Variants in MALT1 observed in about 807,000 individuals in gnomAD.
MALT1 encodes mucosa-associated lymphoid tissue lymphoma translocation protein 1.
In MALT1, 36 loss-of-function variants were observed where a neutral mutation model predicts 85.5. The observed-to-expected ratio is 0.42, with a 90% CI of 0.32 to 0.56. The LOEUF is 0.56. MALT1 is among the 20% of genes least tolerant of loss of function. The pLI, the probability that MALT1 is intolerant of heterozygous loss-of-function variation, is 0.10. For synonymous variants in MALT1, 359 were observed against 361.3 expected, an observed-to-expected ratio of 0.99 and a Z score of 0.07; for missense variants, 716 against 981.6, an observed-to-expected ratio of 0.73 and a Z score of 3.62.
intron 7 of MALT1, among the ~76,000 whole-genome samples, chr18:58,711,812 A>G (rs948174696): frequency 3.3e-5 from 5 of 152,212 alleles, no homozygotes; most frequent in Non-Finnish European, 7.3e-5. Context: ...CTGAAATACT[A>G]TAATTACTGT....
At position 58,710,023 on chromosome 18, in the gene MALT1, A is replaced by G; in HGVS notation, c.876A>G (p.Val292=). ...LEHQGTYWCH[V]YNDRDSQDSK... ...ACCAAGGAACCTACTGGTGTCATGT[A>G]TATAATGATCGAGACAGTCAAGATA... Residue 292 remains valine (V), a synonymous_variant, in exon 6 of 17, where the codon GTA becomes GTG. Coordinates refer to ENST00000649217, the MANE Select transcript of MALT1 (RefSeq NM_006785.4). 1 of 1,612,872 alleles carries G rather than the reference A, an allele frequency of 6.2e-7. No homozygotes were observed.
At chr18:58,671,915 G>T (rs1479809980) in intron 1 of MALT1, 63 bp downstream of exon 1, 1 of 1,129,958 alleles carries the variant, frequency 8.8e-7, no homozygotes, top group Admixed American at 4.4e-5. Flanking sequence ...CGGTGGGGAG[G>T]TGGGGGCGCT....
At position 58,688,299 on chromosome 18, in the gene MALT1, T is replaced by TACACACACACACAC. The variant is rs34923643; in HGVS notation, c.376+6978_376+6991dup. On this transcript the variant is annotated intron_variant, in intron 2 of 16. Transcript: ENST00000649217. ...GAAGCAATAAATTGTATATATATGT[T>TACACACACACACAC]ACACACACACACACACACACACACA... is the stretch of plus-strand genomic sequence containing the variant. Among the ~76,000 whole-genome samples the TACACACACACACAC allele has an allele frequency of 5.2e-3, 723 of 139,646 alleles. 5 individuals carry two copies. The highest frequency in any genetic ancestry group is 0.017 in the African/African-American group (647 of 38,682). 91.6% of individuals were successfully genotyped at this position (139,646 alleles called of 152,430 possible).
intron 9 of MALT1, among the ~76,000 whole-genome samples, chr18:58,721,818 T>A: frequency 6.6e-6 from 1 of 152,212 alleles, no homozygotes; most frequent in Non-Finnish European, 1.5e-5. Context: ...AGAGTAGTAT[T>A]CATAATAACT....
chr18:58,747,985 T>C lies in MALT1; in HGVS notation c.*143T>C. ...ACTGTTTCATAGCAAACTTCAGGAC[T>C]TTGAGATGTTGAAATTACATTATTT... On this transcript the variant is annotated 3_prime_UTR_variant, in exon 17 of 17. Coordinates refer to ENST00000649217, the MANE Select transcript of MALT1 (RefSeq NM_006785.4). 1 of 631,348 alleles carries C rather than the reference T, an allele frequency of 1.6e-6. No homozygotes were observed. Among genetic ancestry groups the C allele is most frequent in the Non-Finnish European group, 2.8e-6 (1 of 362,844 alleles). The allele number at this position is 631,348 out of a possible 1,614,324, so 39.1% of individuals were successfully genotyped here. A position where few individuals can be genotyped will look rare whatever the true frequency, so the allele number is the denominator to read the frequency against.
chr18:58,713,473 G>C (rs1005015090), intron 7 of MALT1, among the ~76,000 whole-genome samples: 1 of 151,964 alleles, frequency 6.6e-6, no homozygotes, highest in South Asian at 2.1e-4. Flanking sequence ...AACCGTCAGT[G>C]TCATCACAGA....
At chr18:58,735,471 T>A (rs2055210818) in intron 13 of MALT1, 142 bp downstream of exon 13, 1 of 787,136 alleles carries the variant, frequency 1.3e-6, no homozygotes, top group Non-Finnish European at 1.9e-6. Context: ...ACAATTTTTA[T>A]ATTAATATAA....
Position 58,748,819 on chromosome 18 carries a change from A to G in MALT1, c.*977A>G, listed in dbSNP as rs572050702. On this transcript the variant is annotated 3_prime_UTR_variant, in exon 17 of 17. Coordinates refer to ENST00000649217, the MANE Select transcript of MALT1 (RefSeq NM_006785.4). ...GTCTCACAAAGAAAATCCCAGGCCT[A>G]GATGGCTGCATTGTTGAATTCTGCC... is the stretch of plus-strand genomic sequence containing the variant. 9.9e-6 allele frequency: 2 copies of G among 202,922 alleles called. No individual in the cohort carries two copies. The highest frequency in any genetic ancestry group is 1.9e-4 in the South Asian group (1 of 5,264). The allele number at this position is 202,922 out of a possible 1,614,324, so 12.6% of individuals were successfully genotyped here.
Position 58,710,007 on chromosome 18 carries a change from C to A in MALT1, c.860C>A (p.Thr287Asn). The stretch of plus-strand genomic sequence containing the variant: ...TATGTGGATTTGGAACACCAAGGAA[C>A]CTACTGGTGTCATGTATATAATGAT... ...VPYVDLEHQG[T>N]YWCHVYNDRD... is the part of the protein sequence containing the mutation. Residue 287 changes from threonine (T) to asparagine (N), a missense_variant, in exon 6 of 17, where the codon ACC (threonine) becomes AAC (asparagine). By Grantham distance (65) the Thr-to-Asn change is moderately conservative. Coordinates refer to ENST00000649217, the MANE Select transcript of MALT1 (RefSeq NM_006785.4). 1 of 1,611,236 alleles carries A rather than the reference C, an allele frequency of 6.2e-7. No individual in the cohort carries two copies. The highest frequency in any genetic ancestry group is 1.1e-5 in the South Asian group (1 of 90,786).
intron 10 of MALT1, among the ~76,000 whole-genome samples, chr18:58,731,272 A>G (rs918475033): frequency 1.3e-5 from 2 of 152,116 alleles, no homozygotes; most frequent in African/African-American, 4.8e-5. Context: ...CTTTTTATTG[A>G]TGAGTGGAAG....
intron 1 of MALT1, among the ~76,000 whole-genome samples, chr18:58,679,804 C>G (rs1017461976): frequency 6.6e-6 from 1 of 152,166 alleles, no homozygotes; most frequent in African/African-American, 2.4e-5. Context: ...GTGCCTTGGC[C>G]TCCCACAGTG....
At chr18:58,706,007 A>G (rs1217570594) in intron 4 of MALT1, among the ~76,000 whole-genome samples, 2 of 152,106 alleles carry the variant, frequency 1.3e-5, no homozygotes, top group Admixed American at 1.3e-4. Flanking sequence ...ACTTTTTGAG[A>G]TGGAGTCTCT....
Position 58,681,200 on chromosome 18 carries a change from G to C in MALT1, c.240G>C (p.Lys80Asn). 6.2e-7 allele frequency: 1 copy of C among 1,614,084 alleles called. No homozygotes were observed. The highest frequency in any genetic ancestry group is 1.6e-4 in the Middle Eastern group (1 of 6,062). ...TAGACCTGGAGCAGTGTTCTCTTAA[G>C]GTACTGGAGCCTGAAGGAAGCCCCA... The part of the protein sequence containing the change: ...SCLDLEQCSL[K>N]VLEPEGSPSL... The change falls in exon 2 of 17, where the codon AAG (lysine) becomes AAC (asparagine). Residue 80 changes from lysine to asparagine, a missense_variant. Lys to Asn is a moderately conservative substitution (Grantham distance 94). Around this residue, in one of 4 missense-constraint regions of MALT1, gnomAD observed 290 missense variants for 380.5 expected, o/e 0.76. Coordinates refer to ENST00000649217, the MANE Select transcript of MALT1 (RefSeq NM_006785.4).
intron 2 of MALT1, among the ~76,000 whole-genome samples, chr18:58,689,405 G>T (rs961338744): frequency 6.6e-6 from 1 of 151,678 alleles, no homozygotes; most frequent in Admixed American, 6.6e-5. Flanking sequence ...TGATAAAAAT[G>T]CCTGGTGCAT....
rs953666345 is a variant in MALT1 at position 58,671,743 on chromosome 18, C to T, written c.100C>T (p.Arg34Trp). The T allele has an allele frequency of 7.8e-6, 10 of 1,277,040 alleles. No homozygotes were observed. The highest frequency in any genetic ancestry group is 7.7e-5 in the African/African-American group (5 of 64,560). 79.1% of individuals were successfully genotyped at this position (1,277,040 alleles called of 1,614,324 possible). The change falls in exon 1 of 17, where the codon CGG becomes TGG. Residue 34 changes from arginine to tryptophan, a missense_variant. Transcript: ENST00000649217. ...PPAGATLNRLREPLLRRLSEL... is the reference protein window; with the variant it reads ...PPAGATLNRLWEPLLRRLSEL... ...GGCCGGCGCGACCCTCAACCGCCTG[C>T]GGGAGCCGCTGCTGCGGAGGCTCAG...
intron 13 of MALT1, among the ~76,000 whole-genome samples, chr18:58,741,176 CAG>C (rs1231301333): frequency 1.3e-5 from 2 of 152,118 alleles, no homozygotes; most frequent in African/African-American, 4.8e-5. Context: ...CACCATATAA[CAG>C]ATTGTTTAAA....
At chr18:58,684,711 G>A (rs771124327) in intron 2 of MALT1, among the ~76,000 whole-genome samples, 5 of 151,998 alleles carry the variant, frequency 3.3e-5, no homozygotes, top group Non-Finnish European at 5.9e-5. Flanking sequence ...CTCCCAAAGT[G>A]CTGGGATTAC....
Position 58,709,552 on chromosome 18 carries a change from A to G in MALT1, c.824A>G (p.Tyr275Cys), listed in dbSNP as rs145169756. The G allele has an allele frequency of 6.6e-5, 106 of 1,598,952 alleles. No homozygotes were observed. The African/African-American group carries it at 1.1e-3, about 16-fold the overall frequency. ...LPLTHETKKLYMVPYVDLEHQ... is the reference protein window; with the variant it reads ...LPLTHETKKLCMVPYVDLEHQ... ...TTAACACATGAGACCAAAAAGCTAT[A>G]CATGGTAGGAAGTTGATTTTGGGGT... is the stretch of plus-strand genomic sequence containing the variant. The change falls in exon 5 of 17, where the codon TAC (tyrosine) becomes TGC (cysteine). Residue 275 changes from tyrosine to cysteine, a missense_variant. Physicochemically the swap from Tyr to Cys is radical, Grantham distance 194. Transcript: ENST00000649217.
rs1300265569 is a variant in MALT1, at chr18:58,685,008, G to A, written c.376+3672G>A. Among the ~76,000 whole-genome samples the A allele has an allele frequency of 4.6e-5, 7 of 152,154 alleles. No individual in the cohort carries two copies. In the East Asian group the frequency reaches 1.4e-3, roughly 29 times the overall value. ...AACAATCGTTTCCACCTGCTGATAG[G>A]TCATAGTTTAGTAGGGGAGACAAAC... On this transcript the variant is annotated intron_variant, in intron 2 of 16. Transcript: ENST00000649217.
Sources: gnomAD v4.1 joint callset for allele counts (sites outside exome capture counted in the v4.1 genomes callset) on GRCh38, gnomAD v4.1.1 for gene constraint, gnomAD v4.1.1 regional missense constraint, MANE v1.5 for transcripts, NCBI Gene and HGNC (gene_info 2026-07-23, HGNC 2026-07-21) for gene names.